The following SIK2 variants were observed in gnomAD, a reference collection of about 807,000 sequenced individuals.
SIK2 encodes the protein salt inducible kinase 2.
A neutral mutation model predicts 103.2 loss-of-function variants in SIK2; 29 were observed. The ratio of observed to expected loss-of-function variants is 0.28; its 90% CI spans 0.21 to 0.38. The LOEUF is 0.38. Among genes scored for constraint, SIK2 ranks in the 10% least tolerant of loss-of-function variants. The probability of loss-of-function intolerance (pLI) is 1.00; values close to 1 mark genes in which losing one functional copy is unlikely to be tolerated. For synonymous variants in SIK2, 412 were observed against 446.1 expected, an observed-to-expected ratio of 0.92 and a Z score of 0.96; for missense variants, 879 against 1,171.0, an observed-to-expected ratio of 0.75 and a Z score of 3.64.
At chr11:111,605,952 C>T (rs1200926970) in intron 1 of SIK2, among the ~76,000 whole-genome samples, 1 of 152,046 alleles carries the variant, frequency 6.6e-6, no homozygotes, top group East Asian at 1.9e-4. Flanking sequence ...ATACGCTTTG[C>T]AAAGGCTTTG....
chr11:111,624,951 G>T (rs1263291159), intron 3 of SIK2, among the ~76,000 whole-genome samples: 1 of 152,182 alleles, frequency 6.6e-6, no homozygotes, highest in Non-Finnish European at 1.5e-5. Flanking sequence ...GGAGAGGGAA[G>T]AATAAATGCA....
At chr11:111,669,643 A>G (rs905547595) in intron 3 of SIK2, among the ~76,000 whole-genome samples, 1 of 151,948 alleles carries the variant, frequency 6.6e-6, no homozygotes, top group African/African-American at 2.4e-5. Context: ...CCAAAAAAAT[A>G]CTAATAGACT....
At chr11:111,720,337 G>T in intron 10 of SIK2, 141 bp from the exon 11 acceptor site, 1 of 939,594 alleles carries the variant, frequency 1.1e-6, no homozygotes, top group Non-Finnish European at 1.6e-6. Context: ...AAATTGGCCA[G>T]TAAAAGGGCT....
In SIK2 at chr11:111,602,605, G is replaced by A; in HGVS notation, c.42G>A (p.Pro14=). The A allele has an allele frequency of 6.5e-7, 1 of 1,532,760 alleles. No individual in the cohort carries two copies. Among genetic ancestry groups the A allele is most frequent in the Non-Finnish European group, 8.8e-7 (1 of 1,139,452 alleles). 94.9% of individuals were successfully genotyped at this position (1,532,760 alleles called of 1,614,324 possible). A position where few individuals can be genotyped will look rare whatever the true frequency, so the allele number is the denominator to read the frequency against. Residue 14 remains proline (P), a synonymous_variant, in exon 1 of 15, where the codon CCG becomes CCA. Coordinates refer to ENST00000304987, the MANE Select transcript of SIK2 (RefSeq NM_015191.3). The surrounding 1 kb of genome is among the most constrained non-coding windows in gnomAD (Gnocchi z 4.5). ...ADGPRHLQRG[P]VRVGFYDIEG... The stretch of plus-strand genomic sequence containing the variant: ...GCCCGAGGCACTTGCAGCGCGGGCC[G>A]GTCCGGGTGGGGTTCTACGACATCG...
chr11:111,657,683 C>G (rs905407055), intron 3 of SIK2, among the ~76,000 whole-genome samples: 1 of 152,164 alleles, frequency 6.6e-6, no homozygotes, highest in African/African-American at 2.4e-5. Flanking sequence ...GCCACCATGC[C>G]TGGCCAGAGT....
At chr11:111,660,839 C>CTTTT (rs57174726) in intron 3 of SIK2, among the ~76,000 whole-genome samples, 1 of 90,414 alleles carries the variant, frequency 1.1e-5, no homozygotes, top group Non-Finnish European at 2.0e-5. Context: ...GTGAAGTTGG[C>CTTTT]TTTTTTTTTT....
At chr11:111,606,749 T>C (rs1250992872) in intron 1 of SIK2, among the ~76,000 whole-genome samples, 2 of 152,230 alleles carry the variant, frequency 1.3e-5, no homozygotes, top group East Asian at 1.9e-4. Context: ...TAACAAGGTA[T>C]TATTTTTACA....
At chr11:111,655,898 G>C (rs1330557595) in intron 3 of SIK2, among the ~76,000 whole-genome samples, 2 of 151,706 alleles carry the variant, frequency 1.3e-5, no homozygotes, top group Non-Finnish European at 2.9e-5. Context: ...AAGAGATTGA[G>C]AAGACCAGGT....
chr11:111,656,647 T>C (rs146942859), intron 3 of SIK2, among the ~76,000 whole-genome samples: 1 of 152,236 alleles, frequency 6.6e-6, no homozygotes, highest in Non-Finnish European at 1.5e-5. Context: ...CATTTCTTAA[T>C]GTTTCTGAAA....
chr11:111,681,643 T>G (rs1942779333), intron 3 of SIK2, among the ~76,000 whole-genome samples: 1 of 152,200 alleles, frequency 6.6e-6, no homozygotes, highest in African/African-American at 2.4e-5. Context: ...TGAAAATTGG[T>G]ACTTAAAGAG....
chr11:111,716,278 A>G (rs1943639625), intron 9 of SIK2, among the ~76,000 whole-genome samples: 1 of 152,160 alleles, frequency 6.6e-6, no homozygotes, highest in Non-Finnish European at 1.5e-5. Context: ...AGTACACACA[A>G]GGTCTGAAAA....
At chr11:111,666,810 G>A (rs1942548434) in intron 3 of SIK2, among the ~76,000 whole-genome samples, 1 of 152,064 alleles carries the variant, frequency 6.6e-6, no homozygotes, top group Non-Finnish European at 1.5e-5. Context: ...CACCTAACTA[G>A]CAAATCCTGG....
In SIK2 at chr11:111,720,463, T is replaced by C. The variant is rs1353314878; in HGVS notation, c.1496-15T>C. ...CTATTGCTGTTGGTTTTATCTGTTC[T>C]GTTTTCTCTTAAAGGGAAAATTTTC... On this transcript the variant is annotated splice_polypyrimidine_tract_variant and intron_variant, in intron 10 of 14. Transcript: ENST00000304987. The C allele has an allele frequency of 1.3e-6, 2 of 1,584,502 alleles. No homozygotes were observed. The highest frequency in any genetic ancestry group is 1.7e-6 in the Non-Finnish European group (2 of 1,166,362).
chr11:111,682,762 C>T (rs7123129), intron 3 of SIK2, among the ~76,000 whole-genome samples: 145,782 of 152,298 alleles, frequency 0.96, 70,128 homozygotes, highest in East Asian at 1. Flanking sequence ...ACCTGTGAAA[C>T]AATGTATTTA....
intron 3 of SIK2, among the ~76,000 whole-genome samples, chr11:111,649,431 G>A (rs1353327455): frequency 6.6e-6 from 1 of 151,934 alleles, no homozygotes; most frequent in Non-Finnish European, 1.5e-5. Flanking sequence ...CTTGAATATA[G>A]TATAAAGTTT....
At chr11:111,691,230 A>T (rs1382289967) in intron 4 of SIK2, among the ~76,000 whole-genome samples, 2 of 152,146 alleles carry the variant, frequency 1.3e-5, no homozygotes, top group Non-Finnish European at 2.9e-5. Flanking sequence ...GCTTTTTAGT[A>T]TCTAATCTTC....
Position 111,722,052 on chromosome 11 carries a change from T to A in SIK2, c.2055+112T>A, listed in dbSNP as rs536654041. 1 of 726,156 alleles carries A rather than the reference T, an allele frequency of 1.4e-6. No homozygotes were observed. Among genetic ancestry groups the A allele is most frequent in the African/African-American group, 1.8e-5 (1 of 56,506 alleles). The allele number at this position is 726,156 out of a possible 1,614,324, so 45.0% of individuals were successfully genotyped here. ...TTATTTAGGGTAGCTGCTTGATTCC[T>A]TATAGGCAAGTAGCTTTGACTCTGT... On this transcript the variant is annotated intron_variant, in intron 13 of 14. Transcript: ENST00000304987. The surrounding 1 kb of genome is among the most constrained non-coding windows in gnomAD (Gnocchi z 4.4).
chr11:111,719,717 T>C, intron 9 of SIK2, 58 bp from the exon 10 acceptor site: 1 of 1,527,414 alleles, frequency 6.5e-7, no homozygotes, highest in Non-Finnish European at 8.9e-7. Context: ...TTTTCCTTTG[T>C]GGATTTTTCT....
chr11:111,677,782 A>T (rs1942724334), intron 3 of SIK2, among the ~76,000 whole-genome samples: 1 of 152,048 alleles, frequency 6.6e-6, no homozygotes, highest in South Asian at 2.1e-4. Context: ...TTGGGGACTG[A>T]ATTTTATTTC....
Sources: allele counts gnomAD v4.1 joint callset (sites outside exome capture counted in the v4.1 genomes callset), GRCh38; gene constraint gnomAD v4.1.1; non-coding constraint Gnocchi (gnomAD v3.1); transcripts MANE v1.5; gene names NCBI Gene and HGNC (gene_info 2026-07-23, HGNC 2026-07-21).